Variants in MROH2A observed in about 807,000 individuals in gnomAD.
MROH2A encodes the protein maestro heat-like repeat-containing protein family member 2A.
MROH2A carries 174 observed loss-of-function variants against 200.4 expected under a neutral mutation model. That is an observed-to-expected ratio of 0.87 (90% CI 0.77 to 0.98). MROH2A has a LOEUF of 0.98. MROH2A is among the 50% of genes least tolerant of loss of function. The pLI is 0.00. For missense variants in MROH2A, 2,045 were observed against 2,139.6 expected (o/e 0.96, Z 0.87); for synonymous variants, 829 against 840.4 (o/e 0.99, Z 0.23).
chr2:233,793,641 C>T (rs551735223), intron 6 of MROH2A, 32 bp from the exon 7 acceptor site: 41 of 1,343,936 alleles, frequency 3.1e-5, no homozygotes, highest in East Asian at 1.5e-4. Flanking sequence ...GCCCCTCTGG[C>T]GCCAAGTGCA....
rs374288723 is a variant in MROH2A, at chr2:233,787,844, T to TTA, written c.277-1646_277-1645dup. Reference sequence around the variant, plus strand: ...AATATATATTATATATACATATATATTATATATACATATATATTATATATA... The same window carrying TTA: ...AATATATATTATATATACATATATATTATATATATACATATATATTATATATA... On this transcript the variant is annotated intron_variant, in intron 3 of 41. Coordinates refer to ENST00000389758, the MANE Select transcript of MROH2A (RefSeq NM_001394639.1). 7.5e-4 allele frequency among the ~76,000 whole-genome samples: 13 copies of TTA among 17,350 alleles called. 3 individuals carry two copies. Among genetic ancestry groups the TTA allele is most frequent in the African/African-American group, 1.7e-3 (8 of 4,722 alleles). The allele number at this position is 17,350 out of a possible 152,430, so 11.4% of individuals were successfully genotyped here.
At position 233,793,687 on chromosome 2, in the gene MROH2A, T is replaced by C. The variant is rs1490443689; in HGVS notation, c.685T>C (p.Cys229Arg). The change falls in exon 7 of 42, where the codon TGT (cysteine) becomes CGT (arginine). Residue 229 changes from cysteine to arginine, a missense_variant. Physicochemically the swap from Cys to Arg is radical, Grantham distance 180 (BLOSUM62 -3). This residue lies in a region of MROH2A where 831 missense variants were observed against 800.0 expected (regional missense o/e 1.04). Coordinates refer to ENST00000389758, the MANE Select transcript of MROH2A (RefSeq NM_001394639.1). Reference sequence around the variant, plus strand: ...GCTGTTGGTAGCCATGGAGACCTTCTGTGAGACGGTGCAGTTTTATCTGAA... The same window carrying C: ...GCTGTTGGTAGCCATGGAGACCTTCCGTGAGACGGTGCAGTTTTATCTGAA... ...QAICSAMETF[C>R]ETVQFYLKHL... 2 of 1,426,144 alleles carry C rather than the reference T, an allele frequency of 1.4e-6. No individual in the cohort carries two copies. The highest frequency in any genetic ancestry group is 9.2e-7 in the Non-Finnish European group (1 of 1,085,252). 88.3% of individuals were successfully genotyped at this position (1,426,144 alleles called of 1,614,324 possible). A position where few individuals can be genotyped will look rare whatever the true frequency, so the allele number is the denominator to read the frequency against.
At chr2:233,796,094 A>C (rs1310901552) in intron 10 of MROH2A, 49 bp downstream of exon 10, 1 of 1,538,676 alleles carries the variant, frequency 6.5e-7, no homozygotes, top group South Asian at 1.2e-5. Flanking sequence ...GGCCTGCAGG[A>C]GGCCTGTAGG....
chr2:233,791,415 C>T (rs1039217444), intron 5 of MROH2A, among the ~76,000 whole-genome samples: 14 of 152,110 alleles, frequency 9.2e-5, no homozygotes, highest in African/African-American at 2.9e-4. Flanking sequence ...CCTCCTTTCC[C>T]GAGCTAGAAG....
At chr2:233,784,227 G>C (rs532446047) in intron 3 of MROH2A, among the ~76,000 whole-genome samples, 1 of 151,738 alleles carries the variant, frequency 6.6e-6, no homozygotes, top group South Asian at 2.1e-4. Context: ...ATAGATTTTT[G>C]TATGTTATAT....
chr2:233,807,596 G>T lies in MROH2A; in HGVS notation c.2172+54G>T. 6.5e-7 allele frequency: 1 copy of T among 1,546,908 alleles called. No individual in the cohort carries two copies. The highest frequency in any genetic ancestry group is 1.2e-5 in the South Asian group (1 of 83,784). ...CACCAGATGCCTCTGGACCCTCGGG[G>T]ACATGTGTGTTCATGTGGCTGCATG... On this transcript the variant is annotated intron_variant, in intron 20 of 41. Coordinates refer to ENST00000389758, the MANE Select transcript of MROH2A (RefSeq NM_001394639.1). This position sits in a 1 kb window ranked among gnomAD's most constrained non-coding sequence, Gnocchi z 4.3.
chr2:233,786,246 A>G (rs754532687), intron 3 of MROH2A, among the ~76,000 whole-genome samples: 1 of 152,188 alleles, frequency 6.6e-6, no homozygotes, highest in Non-Finnish European at 1.5e-5. Context: ...TTCTTTATAA[A>G]TTACCCAGTC....
chr2:233,826,170 G>A (rs796586107), intron 35 of MROH2A, among the ~76,000 whole-genome samples: 37 of 152,118 alleles, frequency 2.4e-4, no homozygotes, highest in African/African-American at 6.5e-4. Flanking sequence ...TGATTTGCCC[G>A]CCTCGGCCTC....
Position 233,822,562 on chromosome 2 carries a change from C to T in MROH2A, c.3866+6C>T, listed in dbSNP as rs1227340545. On this transcript the variant is annotated splice_donor_region_variant and intron_variant, in intron 33 of 41. Transcript: ENST00000389758. ...GAGGAGATGAACCTGCAAAGGTGCT[C>T]TCGAGGGCGGTGGGTGCAAGGCAGC... 3.2e-6 allele frequency: 5 copies of T among 1,547,800 alleles called. No homozygotes were observed. Among genetic ancestry groups the T allele is most frequent in the Non-Finnish European group, 3.5e-6 (4 of 1,146,764 alleles).
intron 41 of MROH2A, 107 bp from the exon 42 acceptor site, chr2:233,833,031 C>T: frequency 3.7e-6 from 5 of 1,359,706 alleles, no homozygotes; most frequent in Non-Finnish European, 4.9e-6. Flanking sequence ...CCCCGTCTGC[C>T]CCTGCCCACC....
rs1373286194 is a variant in MROH2A at position 233,832,258 on chromosome 2, A to G, written c.4816A>G (p.Ile1606Val). Reference sequence around the variant, plus strand: ...TAAAAATAACTTGTCAAGAATCAGAATCGCTGCTTGCAACTTGGCAGGTGA... The same window carrying G: ...TAAAAATAACTTGTCAAGAATCAGAGTCGCTGCTTGCAACTTGGCAGGTGA... ...YVKNNLSRIR[I>V]AACNLAGIIM... Residue 1606 changes from isoleucine (I) to valine (V), a missense_variant, in exon 40 of 42, where the codon ATC becomes GTC. Ile to Val is a conservative substitution (Grantham distance 29). This residue lies in a region of MROH2A where 1,201 missense variants were observed against 1,311.3 expected (regional missense o/e 0.92). Coordinates refer to ENST00000389758, the MANE Select transcript of MROH2A (RefSeq NM_001394639.1). 3 of 1,550,724 alleles carry G rather than the reference A, an allele frequency of 1.9e-6. No homozygotes were observed. The highest frequency in any genetic ancestry group is 2.6e-6 in the Non-Finnish European group (3 of 1,147,090).
intron 21 of MROH2A, among the ~76,000 whole-genome samples, chr2:233,808,512 G>A (rs1050745705): frequency 6.6e-6 from 1 of 152,192 alleles, no homozygotes; most frequent in African/African-American, 2.4e-5. Context: ...CACTTGCCCT[G>A]GGGTCTGGTT....
In MROH2A at chr2:233,818,639, G is replaced by T; in HGVS notation, c.3086-13G>T. The T allele has an allele frequency of 1.3e-6, 2 of 1,508,110 alleles. No homozygotes were observed. Among genetic ancestry groups the T allele is most frequent in the Non-Finnish European group, 1.8e-6 (2 of 1,109,806 alleles). The allele number at this position is 1,508,110 out of a possible 1,614,324, so 93.4% of individuals were successfully genotyped here. On this transcript the variant is annotated splice_polypyrimidine_tract_variant and intron_variant, in intron 28 of 41. Transcript: ENST00000389758. ...GTCCCTGCTGGTCATTTCTGAAGTT[G>T]TATTCCCGACAGCAAGCCAGACCTG...
At chr2:233,786,979 C>T (rs1000017828) in intron 3 of MROH2A, among the ~76,000 whole-genome samples, 1 of 152,068 alleles carries the variant, frequency 6.6e-6, no homozygotes, top group African/African-American at 2.4e-5. Context: ...GCATTGTTAT[C>T]AGTTTTCTAG....
At chr2:233,778,017 T>C (rs556854537), upstream of MROH2A, among the ~76,000 whole-genome samples, 2 of 152,250 alleles carry the variant, frequency 1.3e-5, no homozygotes, top group Admixed American at 1.3e-4. Context: ...CCTCCTCTCC[T>C]CTCCAACTGT....
In MROH2A at chr2:233,804,085, G is replaced by A. The variant is rs1297602898; in HGVS notation, c.1784G>A (p.Arg595His). Residue 595 changes from arginine (R) to histidine (H), a missense_variant, in exon 17 of 42, where the codon CGT becomes CAT. Arg to His is a conservative substitution (Grantham distance 29). This residue lies in a region of MROH2A where 831 missense variants were observed against 800.0 expected (regional missense o/e 1.04). Transcript: ENST00000389758. ...LMSSPYKGEG[R>H]GIAMLNLLRT... ...TCATCACCTTACAAGGGGGAGGGTC[G>A]TGGGATAGCCATGCTCAACCTCTTG... The A allele has an allele frequency of 3.7e-5, 58 of 1,550,428 alleles. No homozygotes were observed. Among genetic ancestry groups the A allele is most frequent in the African/African-American group, 6.8e-5 (5 of 73,022 alleles).
chr2:233,778,160 G>T (rs958911959), upstream of MROH2A, among the ~76,000 whole-genome samples: 3 of 152,190 alleles, frequency 2.0e-5, no homozygotes, highest in African/African-American at 7.2e-5. Context: ...GTGAATAACA[G>T]AAATGTTGAA....
chr2:233,825,467 A>G (rs1297970888), intron 35 of MROH2A, among the ~76,000 whole-genome samples: 2 of 152,190 alleles, frequency 1.3e-5, no homozygotes, highest in Non-Finnish European at 2.9e-5. Context: ...TTTGTCATAA[A>G]TGGCTCTTAT....
Position 233,796,211 on chromosome 2 carries a change from C to G in MROH2A, c.1150C>G (p.Pro384Ala), listed in dbSNP as rs749678430. The G allele has an allele frequency of 6.5e-7, 1 of 1,549,830 alleles. No homozygotes were observed. The highest frequency in any genetic ancestry group is 1.2e-5 in the South Asian group (1 of 83,962). Residue 384 changes from proline to alanine, a missense_variant, in exon 11 of 42, where the codon CCC becomes GCC. Transcript: ENST00000389758. ...CTTCCACCCTGCAGCTCGCTCCTAC[C>G]CCAAGGAGCTGATGAAGTTCTTCTT... Reference protein sequence around the residue: ...HCFVALARSYPKELMKFFFSQ... With the variant: ...HCFVALARSYAKELMKFFFSQ...
Sources: gnomAD v4.1 joint callset for allele counts (sites outside exome capture counted in the v4.1 genomes callset) on GRCh38, gnomAD v4.1.1 for gene constraint, gnomAD v4.1.1 regional missense constraint, Gnocchi (gnomAD v3.1) non-coding constraint, MANE v1.5 for transcripts, NCBI Gene and HGNC (gene_info 2026-07-23, HGNC 2026-07-21) for gene names.